MEP1B: variants seen among roughly 807,000 people sequenced by gnomAD.
MEP1B encodes meprin A subunit beta.
A neutral mutation model predicts 84.6 loss-of-function variants in MEP1B; 80 were observed. The observed-to-expected ratio is 0.95, with a 90% CI of 0.79 to 1.14. The LOEUF (loss-of-function observed/expected upper bound fraction) is 1.14. Among genes scored for constraint, MEP1B ranks in the 50% most tolerant of loss-of-function variants. The pLI is 0.00. For synonymous variants in MEP1B, 273 were observed against 288.1 expected (o/e 0.95, Z 0.53); for missense variants, 766 against 855.1 (o/e 0.90, Z 1.30).
At position 32,220,338 on chromosome 18, in the gene MEP1B, C is replaced by G; in HGVS notation, c.*93C>G. ...GTGATATTACAGCCACCTCATTCTTCTAAAAGTGGATATTTTTCTGTAAAT... is the reference window on the plus strand; with the variant it reads ...GTGATATTACAGCCACCTCATTCTTGTAAAAGTGGATATTTTTCTGTAAAT... On this transcript the variant is annotated 3_prime_UTR_variant, in exon 15 of 15. Transcript: ENST00000269202. The G allele has an allele frequency of 8.5e-7, 1 of 1,172,490 alleles. No individual in the cohort carries two copies. Among genetic ancestry groups the G allele is most frequent in the Non-Finnish European group, 1.2e-6 (1 of 812,586 alleles). 72.6% of individuals were successfully genotyped at this position (1,172,490 alleles called of 1,614,324 possible).
At chr18:32,198,353 A>G (rs16962806) in intron 5 of MEP1B, among the ~76,000 whole-genome samples, 5,755 of 152,316 alleles carry the variant, frequency 0.038, 379 homozygotes, top group African/African-American at 0.13. Context: ...GGCTGCTCTC[A>G]GGTGGCTGGG....
At chr18:32,190,364 T>C (rs1343400449) in intron 1 of MEP1B, among the ~76,000 whole-genome samples, 1 of 152,118 alleles carries the variant, frequency 6.6e-6, no homozygotes, top group Non-Finnish European at 1.5e-5. Context: ...GTTTCATCAT[T>C]GTGTAACAAG....
chr18:32,212,167 A>G (rs2144420622), intron 10 of MEP1B, among the ~76,000 whole-genome samples: 1 of 151,400 alleles, frequency 6.6e-6, no homozygotes, highest in South Asian at 2.1e-4. Flanking sequence ...TGTAATATAT[A>G]TAATTGTCCA....
At chr18:32,198,600 A>C (rs1381389026) in intron 5 of MEP1B, among the ~76,000 whole-genome samples, 1 of 152,170 alleles carries the variant, frequency 6.6e-6, no homozygotes, top group Non-Finnish European at 1.5e-5. Flanking sequence ...GTCCTGAAGA[A>C]GGGAGAAAAT....
chr18:32,196,807 C>T lies in MEP1B; in HGVS notation c.250+1322C>T, dbSNP rs1260414427. 2.8e-5 allele frequency: 18 copies of T among 640,918 alleles called. No homozygotes were observed. The highest frequency in any genetic ancestry group is 5.9e-5 in the East Asian group (2 of 34,018). 39.7% of individuals were successfully genotyped at this position (640,918 alleles called of 1,614,324 possible). On this transcript the variant is annotated intron_variant, in intron 5 of 14. Transcript: ENST00000269202. The surrounding 1 kb of genome is among the most constrained non-coding windows in gnomAD (Gnocchi z 4.4). ...GGGTGCTCGATGCCCATCACCCGCA[C>T]GCTCATCAGCACTGCCTTCTGCTGG...
intron 1 of MEP1B, among the ~76,000 whole-genome samples, 161 bp downstream of exon 1, chr18:32,190,294 G>C (rs539692276): frequency 6.6e-6 from 1 of 152,128 alleles, no homozygotes; most frequent in African/African-American, 2.4e-5. Flanking sequence ...CAGTGTGTAG[G>C]GAGTGACAAA....
chr18:32,209,729 T>C (rs1358557011), intron 9 of MEP1B, among the ~76,000 whole-genome samples: 1 of 152,130 alleles, frequency 6.6e-6, no homozygotes, highest in East Asian at 1.9e-4. Flanking sequence ...CTTCTGAAAG[T>C]TGAATTTCTT....
intron 5 of MEP1B, chr18:32,197,060 T>C (rs2040863316): frequency 6.1e-6 from 1 of 162,880 alleles, no homozygotes; most frequent in Non-Finnish European, 1.3e-5. Context: ...TTTGAGGAAC[T>C]GGCATTGTTT....
intron 5 of MEP1B, among the ~76,000 whole-genome samples, chr18:32,201,571 AAT>A (rs1383432807): frequency 2.6e-5 from 4 of 152,340 alleles, no homozygotes; most frequent in East Asian, 1.9e-4. Context: ...TTAGTGAAAA[AAT>A]AGTTGGTAAA....
chr18:32,201,692 A>G (rs2040914588), intron 5 of MEP1B, among the ~76,000 whole-genome samples: 1 of 152,184 alleles, frequency 6.6e-6, no homozygotes, highest in Admixed American at 6.5e-5. Context: ...CCTGGATGAT[A>G]GGATTTTAAA....
chr18:32,204,102 G>A, intron 6 of MEP1B, 80 bp from the exon 7 acceptor site: 1 of 1,211,206 alleles, frequency 8.3e-7, no homozygotes, highest in Non-Finnish European at 1.2e-6. Flanking sequence ...GTAATGAAGT[G>A]GACTAGGCAG....
intron 5 of MEP1B, among the ~76,000 whole-genome samples, chr18:32,197,415 T>TTTG (rs1555705746): frequency 1.3e-5 from 2 of 150,910 alleles, no homozygotes; most frequent in African/African-American, 4.9e-5. Flanking sequence ...GTTTTTTTTT[T>TTTG]TTTGTTTTGA....
At chr18:32,195,724 C>T (rs185599862) in intron 5 of MEP1B, among the ~76,000 whole-genome samples, 5 of 152,232 alleles carry the variant, frequency 3.3e-5, no homozygotes, top group East Asian at 3.9e-4. Context: ...GTTCAACCAA[C>T]GTTTATGGAG....
chr18:32,204,112 G>A, intron 6 of MEP1B, 70 bp from the exon 7 acceptor site: 1 of 1,353,420 alleles, frequency 7.4e-7, no homozygotes, highest in South Asian at 1.3e-5. Flanking sequence ...GGACTAGGCA[G>A]TGGCGATTCT....
At chr18:32,209,416 G>C (rs1008436979) in intron 9 of MEP1B, among the ~76,000 whole-genome samples, 1 of 151,608 alleles carries the variant, frequency 6.6e-6, no homozygotes, top group African/African-American at 2.4e-5. Flanking sequence ...GAACCCGGGG[G>C]GCAGAGGTTG....
rs186643040 is a variant in MEP1B, at chr18:32,207,994, C to T, written c.767-125C>T. On this transcript the variant is annotated intron_variant, in intron 8 of 14. Coordinates refer to ENST00000269202, the MANE Select transcript of MEP1B (RefSeq NM_005925.3). The stretch of plus-strand genomic sequence containing the variant: ...AGAGGGATCTTTAAGCCACCATCAT[C>T]CAGAATCAGCTAGGTGTTCCCTGTA... 28 of 911,194 alleles carry T rather than the reference C, an allele frequency of 3.1e-5. No homozygotes were observed. The East Asian group carries it at 6.3e-4, about 21-fold the overall frequency. 56.4% of individuals were successfully genotyped at this position (911,194 alleles called of 1,614,324 possible).
At position 32,192,693 on chromosome 18, in the gene MEP1B, T is replaced by C. The variant is rs1190877392; in HGVS notation, c.127+3T>C. Reference sequence around the variant, plus strand: ...GGACATATTTGATATCAATGAAGGTTTGTGGATTTTTTTTACATAATCTCT... The same window carrying C: ...GGACATATTTGATATCAATGAAGGTCTGTGGATTTTTTTTACATAATCTCT... On this transcript the variant is annotated splice_donor_region_variant and intron_variant, in intron 3 of 14. Transcript: ENST00000269202. The C allele has an allele frequency of 1.2e-6, 2 of 1,613,202 alleles. No homozygotes were observed. Among genetic ancestry groups the C allele is most frequent in the South Asian group, 2.2e-5 (2 of 91,050 alleles).
In MEP1B at chr18:32,194,241, T is replaced by C. The variant is rs564935591; in HGVS notation, c.172-1166T>C. On this transcript the variant is annotated intron_variant, in intron 4 of 14. Coordinates refer to ENST00000269202, the MANE Select transcript of MEP1B (RefSeq NM_005925.3). Reference sequence around the variant, plus strand: ...CATCACTCTAATTCAGGCCCCATCATCTCTTGCCTGGCTTTTTCCATTAGC... The same window carrying C: ...CATCACTCTAATTCAGGCCCCATCACCTCTTGCCTGGCTTTTTCCATTAGC... Among the ~76,000 whole-genome samples the C allele has an allele frequency of 2.2e-3, 332 of 152,296 alleles. 1 individual carries two copies. The highest frequency in any genetic ancestry group is 4.4e-3 in the Admixed American group (68 of 15,292).
chr18:32,206,514 C>T (rs548584125), intron 7 of MEP1B, among the ~76,000 whole-genome samples: 11 of 151,676 alleles, frequency 7.3e-5, no homozygotes, highest in East Asian at 1.9e-4. Flanking sequence ...ACTGCAGGCT[C>T]GACTTCCCAG....
Sources: allele counts gnomAD v4.1 joint callset (sites outside exome capture counted in the v4.1 genomes callset), GRCh38; gene constraint gnomAD v4.1.1; non-coding constraint Gnocchi (gnomAD v3.1); transcripts MANE v1.5; gene names NCBI Gene and HGNC (gene_info 2026-07-23, HGNC 2026-07-21).